The following KLRG1 variants were observed in gnomAD, a reference collection of about 807,000 sequenced individuals.
KLRG1 encodes killer cell lectin like receptor G1.
KLRG1 carries 16 observed loss-of-function variants against 21.8 expected under a neutral mutation model. The observed-to-expected ratio is 0.73, with a 90% CI of 0.50 to 1.11. The LOEUF (loss-of-function observed/expected upper bound fraction) is 1.11, where lower values mean the gene tolerates loss of function less well. Among genes scored for constraint, KLRG1 ranks in the 50% most tolerant of loss-of-function variants. The pLI, the probability that KLRG1 is intolerant of heterozygous loss-of-function variation, is 0.00. For synonymous variants in KLRG1, 69 were observed against 75.9 expected (o/e 0.91, Z 0.47); for missense variants, 173 against 218.3 (o/e 0.79, Z 1.31).
chr12:8,976,236 T>C (rs1946655784), intron 1 of KLRG1, among the ~76,000 whole-genome samples: 1 of 152,180 alleles, frequency 6.6e-6, no homozygotes, highest in Admixed American at 6.5e-5. Flanking sequence ...TGTTCAAGAA[T>C]ATATTTTTTA....
chr12:9,195,938 T>C, the KLRG1 span, among the ~76,000 whole-genome samples: 1 of 152,078 alleles, frequency 6.6e-6, no homozygotes, highest in East Asian at 1.9e-4. Context: ...TATTTATTTA[T>C]GTCAGAAGAG....
chr12:9,028,793 G>T, the KLRG1 span: 56 of 611,488 alleles, frequency 9.2e-5, no homozygotes, highest in Admixed American at 1.0e-3. Context: ...AGTTAAGTGG[G>T]CACCTGGTCT....
intron 3 of KLRG1, among the ~76,000 whole-genome samples, chr12:8,997,416 C>T: frequency 6.6e-6 from 1 of 152,088 alleles, no homozygotes; most frequent in East Asian, 1.9e-4. Flanking sequence ...CTTTTGTTCT[C>T]AGGGCAAGAT....
At chr12:9,142,110 A>T in the KLRG1 span, among the ~76,000 whole-genome samples, 2 of 152,198 alleles carry the variant, frequency 1.3e-5, no homozygotes, top group South Asian at 4.1e-4. Flanking sequence ...ACTTCAGGAC[A>T]GGAATTTACC....
At chr12:9,066,983 A>T in the KLRG1 span, 2 of 152,346 alleles carry the variant, frequency 1.3e-5, no homozygotes, top group East Asian at 3.9e-4. Context: ...CGCAATACTT[A>T]CTGCAAAGAA....
At chr12:9,202,389 C>A in the KLRG1 span, 1 of 1,613,956 alleles carries the variant, frequency 6.2e-7, no homozygotes, top group Non-Finnish European at 8.5e-7. Flanking sequence ...AGTAGTTCTC[C>A]GATAAGATTC....
the KLRG1 span, among the ~76,000 whole-genome samples, chr12:9,030,189 G>A: frequency 2.0e-5 from 3 of 152,194 alleles, no homozygotes; most frequent in Admixed American, 6.5e-5. Flanking sequence ...TGAGAGGGAA[G>A]GAAAAGGTTT....
the KLRG1 span, among the ~76,000 whole-genome samples, chr12:9,018,312 C>CA: frequency 1.9e-4 from 28 of 150,390 alleles, no homozygotes; most frequent in Middle Eastern, 3.4e-3. Context: ...CCATCCTGAG[C>CA]AAAAAAAACA....
the KLRG1 span, among the ~76,000 whole-genome samples, chr12:9,140,335 T>C: frequency 1.8e-4 from 28 of 152,344 alleles, no homozygotes; most frequent in East Asian, 5.4e-3. Flanking sequence ...TTTGGTTGTT[T>C]TGGAATTCCC....
chr12:9,068,175 T>TACTC, the KLRG1 span: 1 of 1,610,314 alleles, frequency 6.2e-7, no homozygotes, highest in Middle Eastern at 1.7e-4. Context: ...GGAGTGTGAG[T>TACTC]GGCTTACCTT....
the KLRG1 span, chr12:9,095,573 C>G: frequency 6.2e-7 from 1 of 1,612,470 alleles, no homozygotes; most frequent in Non-Finnish European, 8.5e-7. Context: ...TTCATTTGTA[C>G]TTGATACTGG....
the KLRG1 span, among the ~76,000 whole-genome samples, chr12:9,080,665 A>G: frequency 1.3e-5 from 2 of 152,232 alleles, no homozygotes; most frequent in African/African-American, 4.8e-5. Context: ...CAAAGATAGT[A>G]TTTTTATGGA....
chr12:8,975,322 A>G (rs1946640101), intron 1 of KLRG1, among the ~76,000 whole-genome samples: 1 of 152,110 alleles, frequency 6.6e-6, no homozygotes, highest in Non-Finnish European at 1.5e-5. Context: ...GTTTTTGAAT[A>G]CTGATTTATT....
At chr12:9,143,212 G>T in the KLRG1 span, among the ~76,000 whole-genome samples, 3 of 152,238 alleles carry the variant, frequency 2.0e-5, no homozygotes, top group Non-Finnish European at 4.4e-5. Flanking sequence ...TTCAGAGAAA[G>T]ATCCAAGGTG....
At chr12:9,031,593 G>A in the KLRG1 span, among the ~76,000 whole-genome samples, 2 of 152,168 alleles carry the variant, frequency 1.3e-5, no homozygotes, top group African/African-American at 4.8e-5. Context: ...TAAAATATTT[G>A]AAGATTTATT....
At chr12:9,208,168 G>A in the KLRG1 span, 3 of 892,490 alleles carry the variant, frequency 3.4e-6, no homozygotes, top group Admixed American at 5.4e-5. Context: ...GTAATGAGTG[G>A]AAAGGTGGCA....
chr12:9,124,215 C>T, the KLRG1 span, among the ~76,000 whole-genome samples: 5 of 151,916 alleles, frequency 3.3e-5, no homozygotes, highest in Admixed American at 3.3e-4. Context: ...AAGATGTTTC[C>T]ACTTGCCAAA....
At chr12:9,021,317 AAATGAAAT>A in the KLRG1 span, among the ~76,000 whole-genome samples, 1 of 152,248 alleles carries the variant, frequency 6.6e-6, no homozygotes, top group Non-Finnish European at 1.5e-5. Flanking sequence ...AAGCTACAGT[AAATGAAAT>A]AATGAAATAA....
the KLRG1 span, chr12:9,104,318 T>C: frequency 2.5e-5 from 41 of 1,612,168 alleles, no homozygotes; most frequent in South Asian, 7.7e-5. Context: ...CGTGGTAGCA[T>C]TGGAGTAATA....
Sources: gnomAD v4.1 joint callset for allele counts (sites outside exome capture counted in the v4.1 genomes callset) on GRCh38, gnomAD v4.1.1 for gene constraint, MANE v1.5 for transcripts, NCBI Gene and HGNC (gene_info 2026-07-23, HGNC 2026-07-21) for gene names.